The following SDK2 variants were observed in gnomAD, a reference collection of about 807,000 sequenced individuals.
SDK2 encodes the protein sidekick cell adhesion molecule 2.
In SDK2, 105 loss-of-function variants were observed where a neutral mutation model predicts 253.9. The ratio of observed to expected loss-of-function variants is 0.41; its 90% CI spans 0.35 to 0.49. SDK2 has a LOEUF of 0.49. Among genes scored for constraint, SDK2 ranks in the 20% least tolerant of loss-of-function variants. The probability of loss-of-function intolerance (pLI) is 0.06; values close to 1 mark genes in which losing one functional copy is unlikely to be tolerated. For missense variants in SDK2, 2,608 were observed against 3,003.0 expected (o/e 0.87, Z 3.07); for synonymous variants, 1,249 against 1,234.9 (o/e 1.01, Z -0.24).
At chr17:73,608,198 T>A (rs2045930855) in intron 1 of SDK2, among the ~76,000 whole-genome samples, 1 of 151,906 alleles carries the variant, frequency 6.6e-6, no homozygotes, top group Non-Finnish European at 1.5e-5. Context: ...ACCTCAACAG[T>A]TTTGAGGGGT....
chr17:73,385,759 G>A (rs1278329215), intron 32 of SDK2, 88 bp downstream of exon 32: 12 of 1,256,346 alleles, frequency 9.6e-6, no homozygotes, highest in South Asian at 7.7e-5. Flanking sequence ...GGGGCTCCAC[G>A]CAGCCCTGGT....
Position 73,455,862 on chromosome 17 carries a change from C to G in SDK2, c.479+44G>C, listed in dbSNP as rs746444246. 103 of 1,507,920 alleles carry G rather than the reference C, an allele frequency of 6.8e-5. No individual in the cohort carries two copies. Among genetic ancestry groups the G allele is most frequent in the Non-Finnish European group, 1.4e-5 (16 of 1,129,160 alleles). The allele number at this position is 1,507,920 out of a possible 1,614,324, so 93.4% of individuals were successfully genotyped here. On this transcript the variant is annotated intron_variant, in intron 4 of 44. Transcript: ENST00000392650. This position sits in a 1 kb window ranked among gnomAD's most constrained non-coding sequence, Gnocchi z 5.0. ...TTATCTGGCCCCAAACCTCCTCCCCCAGACACCCCTCCCCTCCCCGTCCCC... is the reference window on the plus strand; with the variant it reads ...TTATCTGGCCCCAAACCTCCTCCCCGAGACACCCCTCCCCTCCCCGTCCCC...
chr17:73,358,502 A>T (rs2062612216), intron 39 of SDK2, among the ~76,000 whole-genome samples: 1 of 152,162 alleles, frequency 6.6e-6, no homozygotes. Context: ...CCAGCCCAGA[A>T]CGTGTTAGAT....
intron 2 of SDK2, among the ~76,000 whole-genome samples, chr17:73,487,754 CG>C (rs777158920): frequency 7.2e-5 from 11 of 152,176 alleles, no homozygotes; most frequent in Non-Finnish European, 1.5e-4. Flanking sequence ...AAATGGGAAA[CG>C]GGTCTAGGTG....
At chr17:73,450,716 T>C (rs2063484967) in intron 4 of SDK2, among the ~76,000 whole-genome samples, 1 of 152,198 alleles carries the variant, frequency 6.6e-6, no homozygotes, top group Non-Finnish European at 1.5e-5. Flanking sequence ...TCAACCAGGG[T>C]TGACTTTGCC....
In SDK2 at chr17:73,542,329, T is replaced by A. The variant is rs1022079565; in HGVS notation, c.65-34732A>T. ...CTTCTGGTGGGGATGGCTGCTCCTG[T>A]GATGGAGGGGGTGCTACAAGAGAGA... On this transcript the variant is annotated intron_variant, in intron 1 of 44. Coordinates refer to ENST00000392650, the MANE Select transcript of SDK2 (RefSeq NM_001144952.2). Among the ~76,000 whole-genome samples the A allele has an allele frequency of 3.9e-5, 6 of 152,260 alleles. 1 individual carries two copies. In the South Asian group the frequency reaches 1.0e-3, roughly 26 times the overall value.
At chr17:73,622,748 A>G (rs1567878588) in intron 1 of SDK2, among the ~76,000 whole-genome samples, 1 of 152,192 alleles carries the variant, frequency 6.6e-6, no homozygotes. Flanking sequence ...GATTTCCTAG[A>G]TCTATCATGG....
chr17:73,352,569 C>T lies in SDK2; in HGVS notation c.5662G>A (p.Asp1888Asn). 6.2e-7 allele frequency: 1 copy of T among 1,614,050 alleles called. No homozygotes were observed. The highest frequency in any genetic ancestry group is 1.6e-4 in the Middle Eastern group (1 of 6,062). ...KEVSSYTFSM[D>N]ILKPGVSYDF... is the part of the protein sequence containing the mutation. ...TAGCTCACGCCCGGCTTCAGGATGT[C>T]CATGCTGAACGTGTAGGAGCTCACC... Residue 1888 changes from aspartate to asparagine, a missense_variant, in exon 41 of 45, where the codon GAC (aspartate) becomes AAC (asparagine). Physicochemically the swap from Asp to Asn is conservative, Grantham distance 23 (BLOSUM62 1). Around this residue, in one of 2 missense-constraint regions of SDK2, gnomAD observed 1,103 missense variants for 1,143.9 expected, o/e 0.96. Coordinates refer to ENST00000392650, the MANE Select transcript of SDK2 (RefSeq NM_001144952.2). The surrounding 1 kb of genome is among the most constrained non-coding windows in gnomAD (Gnocchi z 4.1).
chr17:73,386,398 A>G (rs1279869411), intron 31 of SDK2, 47 bp downstream of exon 31: 1 of 1,330,638 alleles, frequency 7.5e-7, no homozygotes, highest in Admixed American at 2.0e-5. Flanking sequence ...ATGCCCAGGA[A>G]GCAGCCAGTG....
chr17:73,572,118 T>C (rs1437433258), intron 1 of SDK2, among the ~76,000 whole-genome samples: 1 of 152,160 alleles, frequency 6.6e-6, no homozygotes, highest in Non-Finnish European at 1.5e-5. Flanking sequence ...GCAGGTGTTG[T>C]CTTCTACCAA....
At chr17:73,591,548 G>A (rs958994520) in intron 1 of SDK2, among the ~76,000 whole-genome samples, 1 of 152,162 alleles carries the variant, frequency 6.6e-6, no homozygotes, top group Non-Finnish European at 1.5e-5. Context: ...GTTTGCAACA[G>A]TGCAAACCTG....
intron 44 of SDK2, among the ~76,000 whole-genome samples, chr17:73,347,576 C>G (rs1193992451): frequency 6.6e-6 from 1 of 152,204 alleles, no homozygotes; most frequent in Non-Finnish European, 1.5e-5. Context: ...CCCAGGCTTC[C>G]TGGCACCTCC....
Position 73,381,050 on chromosome 17 carries a change from G to A in SDK2, c.4706-100C>T, listed in dbSNP as rs2062826825. The A allele has an allele frequency of 1.9e-5, 14 of 737,880 alleles. No individual in the cohort carries two copies. The South Asian group carries it at 2.3e-4, about 12-fold the overall frequency. 45.7% of individuals were successfully genotyped at this position (737,880 alleles called of 1,614,324 possible). On this transcript the variant is annotated intron_variant, in intron 33 of 44. Transcript: ENST00000392650. ...CACCCCACAAAGAAACCCCGGCCAG[G>A]CGGGGCTGACGGCGTGAACAGACAG...
chr17:73,626,780 T>C (rs2046207634), intron 1 of SDK2, among the ~76,000 whole-genome samples: 1 of 152,148 alleles, frequency 6.6e-6, no homozygotes, highest in Non-Finnish European at 1.5e-5. Flanking sequence ...TCTGGAGACC[T>C]GGGGACAGGC....
At chr17:73,406,798 TAC>T (rs570607852) in intron 18 of SDK2, among the ~76,000 whole-genome samples, 329 of 152,260 alleles carry the variant, frequency 2.2e-3, no homozygotes, top group African/African-American at 7.5e-3. Context: ...GTGGTAAAAT[TAC>T]AGAGAGAAAT....
chr17:73,338,502 GTT>G lies in SDK2; in HGVS notation c.*83_*84del. The G allele has an allele frequency of 1.2e-6, 1 of 846,512 alleles. No homozygotes were observed. The highest frequency in any genetic ancestry group is 1.9e-6 in the Non-Finnish European group (1 of 535,538). 52.4% of individuals were successfully genotyped at this position (846,512 alleles called of 1,614,324 possible). On this transcript the variant is annotated 3_prime_UTR_variant, in exon 45 of 45. Coordinates refer to ENST00000392650, the MANE Select transcript of SDK2 (RefSeq NM_001144952.2). The surrounding 1 kb of genome is among the most constrained non-coding windows in gnomAD (Gnocchi z 5.0). ...TGAAAAGTTGACTTGGTTTCTTGGT[GTT>G]TTTGTTTTCTGGCAGGCAGTGAGAG...
intron 2 of SDK2, among the ~76,000 whole-genome samples, chr17:73,485,157 G>T (rs2063761840): frequency 6.6e-6 from 1 of 152,198 alleles, no homozygotes; most frequent in African/African-American, 2.4e-5. Context: ...GAGCCGTGGG[G>T]TGACTTAGAG....
chr17:73,558,935 T>G (rs2045186123), intron 1 of SDK2, among the ~76,000 whole-genome samples: 1 of 152,192 alleles, frequency 6.6e-6, no homozygotes, highest in Non-Finnish European at 1.5e-5. Flanking sequence ...CCTGCCTCCC[T>G]GGCTCTGTCT....
chr17:73,489,949 A>G lies in SDK2; in HGVS notation c.224+17489T>C, dbSNP rs145498482. ...GTTAAAAAGGCCATTTTTAACATCAAAAGAGGACAAAGGGCACAGAGTTTT... is the reference window on the plus strand; with the variant it reads ...GTTAAAAAGGCCATTTTTAACATCAGAAGAGGACAAAGGGCACAGAGTTTT... On this transcript the variant is annotated intron_variant, in intron 2 of 44. Coordinates refer to ENST00000392650, the MANE Select transcript of SDK2 (RefSeq NM_001144952.2). Among the ~76,000 whole-genome samples the G allele has an allele frequency of 4.5e-3, 686 of 152,318 alleles. 6 individuals carry two copies. The highest frequency in any genetic ancestry group is 0.023 in the East Asian group (117 of 5,184).
Sources: gnomAD v4.1 joint callset for allele counts (sites outside exome capture counted in the v4.1 genomes callset) on GRCh38, gnomAD v4.1.1 for gene constraint, gnomAD v4.1.1 regional missense constraint, Gnocchi (gnomAD v3.1) non-coding constraint, MANE v1.5 for transcripts, NCBI Gene and HGNC (gene_info 2026-07-23, HGNC 2026-07-21) for gene names.